ARFGEF1: variants seen among roughly 807,000 people sequenced by gnomAD.
ARFGEF1 encodes the protein brefeldin A-inhibited guanine nucleotide-exchange protein 1.
Under a neutral mutation model 231.0 loss-of-function variants are expected in ARFGEF1, and 42 were observed. The observed-to-expected ratio is 0.18, with a 90% confidence interval of 0.14 to 0.24. ARFGEF1 has a LOEUF of 0.24. Ranked by LOEUF, ARFGEF1 falls within the 10% of genes least tolerant of loss-of-function variation. The pLI is 1.00. For synonymous variants in ARFGEF1, 710 were observed against 732.3 expected, an observed-to-expected ratio of 0.97 and a Z score of 0.49; for missense variants, 1,345 against 2,192.0, an observed-to-expected ratio of 0.61 and a Z score of 7.72.
chr8:67,337,102 C>T (rs978159162), intron 1 of ARFGEF1, among the ~76,000 whole-genome samples: 1 of 122,594 alleles, frequency 8.2e-6, no homozygotes, highest in Non-Finnish European at 1.6e-5. Context: ...GCACTCCAGC[C>T]TGTGTGACAG....
chr8:67,230,750 T>C (rs1468358014), intron 23 of ARFGEF1, among the ~76,000 whole-genome samples: 1 of 152,090 alleles, frequency 6.6e-6, no homozygotes, highest in East Asian at 1.9e-4. Flanking sequence ...CCTGCATAGT[T>C]TAGTAATATT....
At chr8:67,193,630 G>A (rs1473377511), downstream of ARFGEF1, 7 of 1,586,474 alleles carry the variant, frequency 4.4e-6, no homozygotes, top group Non-Finnish European at 6.0e-6. Context: ...ATGGCCTATA[G>A]TAGAATCCTG....
intron 29 of ARFGEF1, among the ~76,000 whole-genome samples, chr8:67,222,613 G>A (rs376912797): frequency 1.3e-5 from 2 of 151,986 alleles, no homozygotes; most frequent in African/African-American, 4.8e-5. Flanking sequence ...ACCACGCCTC[G>A]CTAATTTTTG....
chr8:67,312,484 A>G (rs1275112377), intron 1 of ARFGEF1, among the ~76,000 whole-genome samples: 1 of 152,100 alleles, frequency 6.6e-6, no homozygotes, highest in Admixed American at 6.5e-5. Flanking sequence ...AAAAATCCTA[A>G]AGGAATAAAG....
chr8:67,317,362 G>T (rs754120553), intron 1 of ARFGEF1, among the ~76,000 whole-genome samples: 1 of 152,104 alleles, frequency 6.6e-6, no homozygotes, highest in Non-Finnish European at 1.5e-5. Flanking sequence ...GGTATCTGAA[G>T]TGAAAACAGT....
chr8:67,196,139 G>A (rs781011183), downstream of ARFGEF1: 1 of 152,338 alleles, frequency 6.6e-6, no homozygotes, highest in Non-Finnish European at 1.5e-5. Flanking sequence ...TAAGCCATAC[G>A]TTAAATGTTT....
intron 16 of ARFGEF1, 116 bp from the exon 17 acceptor site, chr8:67,257,932 T>A: frequency 8.4e-7 from 1 of 1,194,584 alleles, no homozygotes; most frequent in South Asian, 1.5e-5. Flanking sequence ...ACATTACAAT[T>A]TTTTATGGAT....
chr8:67,227,915 C>A, intron 25 of ARFGEF1, 48 bp downstream of exon 25: 1 of 1,431,698 alleles, frequency 7.0e-7, no homozygotes. Flanking sequence ...ACATTCTAAA[C>A]AAAAAATATA....
rs776280671 is a variant in ARFGEF1, at chr8:67,287,979, C to G, written c.1003G>C (p.Glu335Gln). The G allele has an allele frequency of 3.8e-6, 6 of 1,594,558 alleles. No homozygotes were observed. Among genetic ancestry groups the G allele is most frequent in the Non-Finnish European group, 5.1e-6 (6 of 1,173,202 alleles). The change falls in exon 7 of 39, where the codon GAA becomes CAA. Residue 335 changes from glutamate (E) to glutamine (Q), a missense_variant. This residue lies in a region of ARFGEF1 where 398 missense variants were observed against 463.2 expected (regional missense o/e 0.86). Coordinates refer to ENST00000262215, the MANE Select transcript of ARFGEF1 (RefSeq NM_006421.5). ...PQDIVQNIVE[E>Q]MVNIVVGDMG... ...CCTCCAACAACAATGTTCACCATTT[C>G]TTCTACAATGTTCTGTACAATGTCT...
intron 1 of ARFGEF1, among the ~76,000 whole-genome samples, chr8:67,322,277 G>C (rs149123296): frequency 5.2e-4 from 79 of 152,250 alleles, no homozygotes; most frequent in African/African-American, 1.9e-3. Flanking sequence ...CAACCTTCTA[G>C]GTAACTCTCT....
intron 18 of ARFGEF1, 135 bp from the exon 19 acceptor site, chr8:67,251,585 T>C: frequency 4.9e-6 from 4 of 822,872 alleles, no homozygotes; most frequent in South Asian, 2.5e-5. Context: ...AGATCCCATA[T>C]TATATGATTA....
chr8:67,194,296 A>C (rs1372412656), downstream of ARFGEF1, among the ~76,000 whole-genome samples: 3 of 152,222 alleles, frequency 2.0e-5, no homozygotes, highest in East Asian at 1.9e-4. Flanking sequence ...TTAGTCTGTT[A>C]ATCTACATTA....
downstream of ARFGEF1, chr8:67,196,213 A>G (rs1837907075): frequency 6.6e-6 from 1 of 152,270 alleles, no homozygotes; most frequent in South Asian, 2.1e-4. Flanking sequence ...TACTAATTAC[A>G]TGATGTAACT....
chr8:67,276,508 C>G (rs1805319600), intron 8 of ARFGEF1, among the ~76,000 whole-genome samples: 1 of 151,676 alleles, frequency 6.6e-6, no homozygotes, highest in Non-Finnish European at 1.5e-5. Flanking sequence ...TCACTCTGGG[C>G]AAATATAAAC....
intron 4 of ARFGEF1, among the ~76,000 whole-genome samples, chr8:67,298,095 C>T (rs575178002): frequency 6.9e-6 from 1 of 144,836 alleles, no homozygotes; most frequent in African/African-American, 2.6e-5. Flanking sequence ...CATGAGCTAC[C>T]ATGCCCAGTA....
chr8:67,201,608 G>A lies in ARFGEF1; in HGVS notation c.5129-3C>T. On this transcript the variant is annotated splice_region_variant and splice_polypyrimidine_tract_variant and intron_variant, in intron 36 of 38. Transcript: ENST00000262215. The stretch of plus-strand genomic sequence containing the variant: ...GGGCTTGGATTTGCCTTTGAATCCT[G>A]CAGAAAAGGGAAGTTTCTGGGATTA... 6.2e-7 allele frequency: 1 copy of A among 1,613,026 alleles called. No homozygotes were observed. The highest frequency in any genetic ancestry group is 8.5e-7 in the Non-Finnish European group (1 of 1,179,756).
intron 17 of ARFGEF1, among the ~76,000 whole-genome samples, chr8:67,257,221 C>T (rs144702927): frequency 4.5e-4 from 68 of 152,196 alleles, no homozygotes; most frequent in African/African-American, 1.6e-3. Flanking sequence ...GTTGGGACCA[C>T]AGGCACATGC....
At chr8:67,252,404 G>A (rs775533972) in intron 18 of ARFGEF1, among the ~76,000 whole-genome samples, 2 of 151,306 alleles carry the variant, frequency 1.3e-5, no homozygotes, top group Non-Finnish European at 2.9e-5. Context: ...TAATTTTGGC[G>A]TTTTCGGCAC....
chr8:67,251,210 C>T (rs1206310449), intron 19 of ARFGEF1, 89 bp downstream of exon 19: 7 of 1,219,350 alleles, frequency 5.7e-6, no homozygotes, highest in Non-Finnish European at 7.6e-6. Context: ...TGTGTTATAT[C>T]ACTGTATCGC....
Sources: gnomAD v4.1 joint callset for allele counts (sites outside exome capture counted in the v4.1 genomes callset) on GRCh38, gnomAD v4.1.1 for gene constraint, gnomAD v4.1.1 regional missense constraint, MANE v1.5 for transcripts, NCBI Gene and HGNC (gene_info 2026-07-23, HGNC 2026-07-21) for gene names.